The following RMST variants were observed in gnomAD, a reference collection of about 807,000 sequenced individuals.
RMST encodes rhabdomyosarcoma 2 associated transcript.
In RMST at chr12:97,471,864, C is replaced by G. The variant is rs11109048; in HGVS notation, n.644+6137C>G. The stretch of plus-strand genomic sequence containing the variant: ...TTGAGTTGGTTGAAGATTTTTTTTC[C>G]TCCATATTAACGGCTTGTTTTGTCA... On this transcript the variant is annotated intron_variant and non_coding_transcript_variant, in intron 5 of 13. Coordinates refer to ENST00000640149, the Ensembl canonical transcript of RMST. Among the ~76,000 whole-genome samples the G allele has an allele frequency of 5.8e-4, 88 of 152,148 alleles. 1 individual carries two copies. The East Asian group carries it at 0.016, about 28-fold the overall frequency.
chr12:97,489,178 G>T (rs934248404), intron 5 of RMST, among the ~76,000 whole-genome samples: 3 of 152,156 alleles, frequency 2.0e-5, no homozygotes, highest in Non-Finnish European at 1.5e-5. Flanking sequence ...AGGCACAATG[G>T]CTCACACCTG....
At chr12:97,539,119 T>C (rs940836274) in intron 11 of RMST, among the ~76,000 whole-genome samples, 1 of 151,598 alleles carries the variant, frequency 6.6e-6, no homozygotes, top group African/African-American at 2.4e-5. Context: ...AAATAAAATT[T>C]GTGTGCATTA....
chr12:97,564,651 T>A (rs1884399557), exon 14 of RMST: 1 of 152,232 alleles, frequency 6.6e-6, no homozygotes, highest in African/African-American at 2.4e-5. Flanking sequence ...TAAAAGCTCA[T>A]GAAATATTAG....
chr12:97,495,489 G>A (rs1877310644), intron 9 of RMST, among the ~76,000 whole-genome samples: 2 of 152,094 alleles, frequency 1.3e-5, no homozygotes. Flanking sequence ...AGCCTTCTAT[G>A]TATGCTATAT....
chr12:97,546,797 C>A (rs755365689), intron 11 of RMST, among the ~76,000 whole-genome samples: 2 of 152,020 alleles, frequency 1.3e-5, no homozygotes, highest in Non-Finnish European at 2.9e-5. Context: ...ACATACTTAT[C>A]TTTTTTGTAT....
intron 11 of RMST, among the ~76,000 whole-genome samples, chr12:97,535,579 C>G (rs1271109977): frequency 6.6e-6 from 1 of 151,478 alleles, no homozygotes; most frequent in African/African-American, 2.4e-5. Context: ...TACCTGAAGT[C>G]AGATAGCTAG....
At chr12:97,500,349 A>G (rs1032769538) in intron 10 of RMST, among the ~76,000 whole-genome samples, 1 of 152,166 alleles carries the variant, frequency 6.6e-6, no homozygotes, top group Non-Finnish European at 1.5e-5. Context: ...CATGGATTTC[A>G]GTCCACGATT....
At chr12:97,477,757 T>C (rs1052067543) in intron 5 of RMST, among the ~76,000 whole-genome samples, 3 of 152,220 alleles carry the variant, frequency 2.0e-5, no homozygotes, top group African/African-American at 7.2e-5. Flanking sequence ...GGTTATTTCT[T>C]TGCACTGTGA....
intron 11 of RMST, chr12:97,533,847 A>C (rs926466755): frequency 4.0e-5 from 6 of 151,848 alleles, no homozygotes; most frequent in African/African-American, 1.2e-4. Flanking sequence ...TTATAGTGTA[A>C]AAATTAAGAA....
intron 5 of RMST, among the ~76,000 whole-genome samples, chr12:97,469,630 C>T (rs902698409): frequency 6.6e-6 from 1 of 151,118 alleles, no homozygotes; most frequent in Non-Finnish European, 1.5e-5. Context: ...ACAGAGCTAA[C>T]GAGCAGCTGA....
chr12:97,502,929 G>C (rs1878250681), intron 10 of RMST, among the ~76,000 whole-genome samples: 1 of 152,172 alleles, frequency 6.6e-6, no homozygotes, highest in Non-Finnish European at 1.5e-5. Flanking sequence ...GGGCTCTTTT[G>C]ATTCATGACC....
intron 5 of RMST, among the ~76,000 whole-genome samples, chr12:97,467,240 A>G (rs1399828610): frequency 2.0e-5 from 3 of 152,190 alleles, no homozygotes; most frequent in South Asian, 2.1e-4. Flanking sequence ...TAATGTTACC[A>G]GGAACATCTT....
chr12:97,472,009 C>T (rs529154390), intron 5 of RMST, among the ~76,000 whole-genome samples: 1 of 152,202 alleles, frequency 6.6e-6, no homozygotes, highest in South Asian at 2.1e-4. Context: ...TCATAGCTCA[C>T]TTTGGTCAAA....
At chr12:97,497,876 T>C (rs954030901) in intron 10 of RMST, among the ~76,000 whole-genome samples, 1 of 152,126 alleles carries the variant, frequency 6.6e-6, no homozygotes, top group Non-Finnish European at 1.5e-5. Context: ...TGTTAATAAG[T>C]TTACAGCTCA....
intron 7 of RMST, chr12:97,493,399 A>G (rs991269873): frequency 1.3e-5 from 2 of 152,644 alleles, no homozygotes; most frequent in Non-Finnish European, 2.9e-5. Flanking sequence ...TAAAAGAATT[A>G]GTGATACTTT....
chr12:97,521,949 T>G (rs892817883), intron 10 of RMST, among the ~76,000 whole-genome samples: 20 of 152,218 alleles, frequency 1.3e-4, no homozygotes, highest in African/African-American at 4.6e-4. Flanking sequence ...TTGTTTTAGT[T>G]TCTTATCTCA....
intron 10 of RMST, among the ~76,000 whole-genome samples, chr12:97,499,483 AG>A (rs1420101864): frequency 6.6e-6 from 1 of 152,206 alleles, no homozygotes; most frequent in African/African-American, 2.4e-5. Context: ...ATGTATGCTT[AG>A]AAAACCATTT....
intron 5 of RMST, among the ~76,000 whole-genome samples, chr12:97,478,004 A>G (rs367578167): frequency 6.6e-6 from 1 of 152,212 alleles, no homozygotes; most frequent in Admixed American, 6.5e-5. Context: ...TTCTAAGTGA[A>G]TAGAGCAGAA....
intron 10 of RMST, among the ~76,000 whole-genome samples, chr12:97,514,644 T>C (rs1565928925): frequency 6.6e-6 from 1 of 151,750 alleles, no homozygotes; most frequent in Non-Finnish European, 1.5e-5. Flanking sequence ...ATTAAATGCC[T>C]GTTCATTCTT....
Sources: allele counts gnomAD v4.1 joint callset (sites outside exome capture counted in the v4.1 genomes callset), GRCh38; gene constraint gnomAD v4.1.1; transcripts MANE v1.5; gene names NCBI Gene and HGNC (gene_info 2026-07-23, HGNC 2026-07-21).